The following SLC6A16 variants were observed in gnomAD, a reference collection of about 807,000 sequenced individuals.
SLC6A16 encodes solute carrier family 6 member 16.
A neutral mutation model predicts 65.4 loss-of-function variants in SLC6A16; 54 were observed. That is an observed-to-expected ratio of 0.83 (90% CI 0.66 to 1.04). The LOEUF (loss-of-function observed/expected upper bound fraction) is 1.04, where lower values mean the gene tolerates loss of function less well. Among genes scored for constraint, SLC6A16 ranks in the 50% least tolerant of loss-of-function variants. The pLI is 0.00. For synonymous variants in SLC6A16, 330 were observed against 346.5 expected (o/e 0.95, Z 0.53); for missense variants, 816 against 914.0 (o/e 0.89, Z 1.38).
the SLC6A16 span, among the ~76,000 whole-genome samples, chr19:49,334,493 G>A: frequency 1.3e-5 from 2 of 150,580 alleles, no homozygotes; most frequent in African/African-American, 4.9e-5. Context: ...AAAAACAAAA[G>A]AGAGATGAAG....
intron 2 of SLC6A16, 71 bp downstream of exon 2, chr19:49,310,862 G>A (rs2146134865): frequency 4.3e-6 from 5 of 1,174,098 alleles, no homozygotes; most frequent in Middle Eastern, 2.2e-4. Flanking sequence ...AAACATTCAT[G>A]GTTAAAGCCT....
chr19:49,339,229 G>T, the SLC6A16 span: 22 of 1,035,082 alleles, frequency 2.1e-5, no homozygotes, highest in Admixed American at 4.2e-4. This position sits in a 1 kb window ranked among gnomAD's most constrained non-coding sequence, Gnocchi z 4.5. Context: ...AGGGGAGCGG[G>T]TAGATGCCTG....
upstream of SLC6A16, among the ~76,000 whole-genome samples, chr19:49,329,303 G>T (rs1347865226): frequency 6.6e-6 from 1 of 151,952 alleles, no homozygotes; most frequent in Non-Finnish European, 1.5e-5. Flanking sequence ...TGGTCAGGCT[G>T]GTCTCGAACT....
intron 1 of SLC6A16, 80 bp from the exon 2 acceptor site, chr19:49,311,491 C>A: frequency 1.2e-6 from 1 of 803,404 alleles, no homozygotes; most frequent in East Asian, 2.9e-5. Flanking sequence ...TCAACATCTC[C>A]TTAAAGCAAA....
intron 1 of SLC6A16, among the ~76,000 whole-genome samples, chr19:49,321,864 G>C: frequency 6.6e-6 from 1 of 151,824 alleles, no homozygotes; most frequent in East Asian, 1.9e-4. Flanking sequence ...CAACGCTACA[G>C]TGAGCCATGA....
chr19:49,299,214 C>A (rs1314319661), intron 7 of SLC6A16, among the ~76,000 whole-genome samples: 1 of 147,200 alleles, frequency 6.8e-6, no homozygotes, highest in Non-Finnish European at 1.5e-5. Flanking sequence ...CCTCTGCAGT[C>A]CAGCCTGGGC....
chr19:49,313,072 CAAAAAA>C (rs5828385), intron 1 of SLC6A16, among the ~76,000 whole-genome samples: 14 of 95,768 alleles, frequency 1.5e-4, no homozygotes, highest in South Asian at 3.2e-4. Flanking sequence ...AACCCTGTCT[CAAAAAA>C]AAAAAAAAAA....
intron 1 of SLC6A16, among the ~76,000 whole-genome samples, chr19:49,313,574 G>A (rs1221480946): frequency 2.2e-5 from 3 of 137,768 alleles, no homozygotes; most frequent in African/African-American, 8.3e-5. Flanking sequence ...GAGGTCAGGA[G>A]TTTGAGACCA....
At chr19:49,337,746 G>C in the SLC6A16 span, 1 of 1,536,664 alleles carries the variant, frequency 6.5e-7, no homozygotes, top group South Asian at 1.2e-5. Flanking sequence ...AGAGACTTAT[G>C]AGCCGTAGAA....
At chr19:49,316,668 C>T (rs776746753) in intron 1 of SLC6A16, among the ~76,000 whole-genome samples, 1 of 151,768 alleles carries the variant, frequency 6.6e-6, no homozygotes, top group East Asian at 1.9e-4. Flanking sequence ...AACCCAGAGG[C>T]CACAATGAGG....
At chr19:49,328,340 A>G (rs1970818050), upstream of SLC6A16, among the ~76,000 whole-genome samples, 1 of 152,098 alleles carries the variant, frequency 6.6e-6, no homozygotes, top group African/African-American at 2.4e-5. Context: ...ACTATCACAA[A>G]AACAGCCTGG....
chr19:49,330,843 G>A, the SLC6A16 span, among the ~76,000 whole-genome samples: 5 of 151,940 alleles, frequency 3.3e-5, no homozygotes, highest in African/African-American at 1.2e-4. Context: ...TCAGGAGGCT[G>A]AGGCGGGAGA....
rs778942352 is a variant in SLC6A16, at chr19:49,294,348, C to G, written c.1416+19G>C. On this transcript the variant is annotated intron_variant, in intron 8 of 11. Transcript: ENST00000335875. ...GCTTTCAGGAACTCTAGGCTCCCCCCTCAGCTATGTTTACTGACCTTAAGA... is the reference window on the plus strand; with the variant it reads ...GCTTTCAGGAACTCTAGGCTCCCCCGTCAGCTATGTTTACTGACCTTAAGA... 6.2e-7 allele frequency: 1 copy of G among 1,611,832 alleles called. No homozygotes were observed. The highest frequency in any genetic ancestry group is 8.5e-7 in the Non-Finnish European group (1 of 1,178,732).
intron 1 of SLC6A16, among the ~76,000 whole-genome samples, chr19:49,321,366 C>T (rs1231848931): frequency 7.3e-5 from 11 of 151,204 alleles, no homozygotes; most frequent in South Asian, 6.3e-4. Flanking sequence ...AAGGAAAATA[C>T]GGCTGGGCAT....
chr19:49,314,964 CA>C (rs1443015584), intron 1 of SLC6A16, among the ~76,000 whole-genome samples: 1 of 151,770 alleles, frequency 6.6e-6, no homozygotes, highest in East Asian at 1.9e-4. Context: ...ACCATCAAAA[CA>C]AAAGGAAGTT....
chr19:49,333,171 AAACAAC>A, the SLC6A16 span, among the ~76,000 whole-genome samples: 1 of 151,422 alleles, frequency 6.6e-6, no homozygotes, highest in African/African-American at 2.4e-5. Flanking sequence ...CAAAACAAAC[AAACAAC>A]AACAACAACA....
chr19:49,308,103 T>C (rs1354471614), intron 7 of SLC6A16, among the ~76,000 whole-genome samples: 1 of 151,388 alleles, frequency 6.6e-6, no homozygotes, highest in Non-Finnish European at 1.5e-5. Context: ...GTACAGAGAA[T>C]CCTTTTGGAG....
At chr19:49,327,881 A>G (rs1970814080), upstream of SLC6A16, among the ~76,000 whole-genome samples, 1 of 152,244 alleles carries the variant, frequency 6.6e-6, no homozygotes, top group Admixed American at 6.5e-5. Flanking sequence ...GAAATGGCAA[A>G]GAGTCTGATA....
chr19:49,312,524 G>C, intron 1 of SLC6A16: 1 of 982,092 alleles, frequency 1.0e-6, no homozygotes, highest in Non-Finnish European at 1.2e-6. Context: ...TCACATCTAG[G>C]GCTATTCTCC....
Sources: allele counts gnomAD v4.1 joint callset (sites outside exome capture counted in the v4.1 genomes callset), GRCh38; gene constraint gnomAD v4.1.1; non-coding constraint Gnocchi (gnomAD v3.1); transcripts MANE v1.5; gene names NCBI Gene and HGNC (gene_info 2026-07-23, HGNC 2026-07-21).